Variants in SLC35G2 observed in about 807,000 individuals in gnomAD.
SLC35G2 encodes solute carrier family 35 member G2, also known as transmembrane protein 22.
SLC35G2 carries 20 observed loss-of-function variants against 27.2 expected under a neutral mutation model. The ratio of observed to expected loss-of-function variants is 0.74; its 90% confidence interval spans 0.52 to 1.07. The LOEUF is 1.07. Ranked by LOEUF, SLC35G2 falls within the 50% of genes least tolerant of loss-of-function variation. The probability of loss-of-function intolerance (pLI) is 0.00; values close to 1 mark genes in which losing one functional copy is unlikely to be tolerated. For missense variants in SLC35G2, 416 were observed against 493.3 expected (o/e 0.84, Z 1.48); for synonymous variants, 148 against 165.3 (o/e 0.90, Z 0.80).
At position 136,838,246 on chromosome 3, in the gene SLC35G2, C is replaced by CATATAT. The variant is rs6148084; in HGVS notation, c.-18-16165_-18-16160dup. On this transcript the variant is annotated intron_variant, in intron 1 of 1. Coordinates refer to ENST00000446465, the MANE Select transcript of SLC35G2 (RefSeq NM_025246.3). ...CTCTTCAATTTTGCAGTAGCATATA[C>CATATAT]ATATATATATATATATATATATATA... 129 of 140,980 alleles carry CATATAT rather than the reference C, an allele frequency of 9.2e-4. 2 individuals are homozygous for CATATAT. Among genetic ancestry groups the CATATAT allele is most frequent in the African/African-American group, 3.2e-3 (121 of 37,328 alleles). 8.7% of individuals were successfully genotyped at this position (140,980 alleles called of 1,614,324 possible). A position where few individuals can be genotyped will look rare whatever the true frequency, so the allele number is the denominator to read the frequency against.
rs373601350 is a variant in SLC35G2 at position 136,854,760 on chromosome 3, A to G, written c.300A>G (p.Gln100=). 20 of 1,614,048 alleles carry G rather than the reference A, an allele frequency of 1.2e-5. No individual in the cohort carries two copies. The African/African-American group carries it at 1.9e-4, about 15-fold the overall frequency. The stretch of plus-strand genomic sequence containing the variant: ...GCTTTGCAGAAAAAAACATTTTTCA[A>G]TCCCGAAAAATGTGGATAGTGCTGT... ...FQSFAEKNIF[Q]SRKMWIVLFG... The change falls in exon 2 of 2, where the codon CAA becomes CAG. Residue 100 remains glutamine (Q), a synonymous_variant. Transcript: ENST00000446465.
intron 1 of SLC35G2, among the ~76,000 whole-genome samples, chr3:136,844,265 G>A (rs1215737810): frequency 3.4e-5 from 5 of 148,930 alleles, no homozygotes; most frequent in South Asian, 4.3e-4. Context: ...CGAGGCGGGC[G>A]GATCATGAGG....
intron 1 of SLC35G2, chr3:136,846,531 A>G (rs1196313549): frequency 6.6e-6 from 1 of 152,208 alleles, no homozygotes; most frequent in East Asian, 1.9e-4. Context: ...CACTTACCCC[A>G]TGTGAATCCT....
intron 1 of SLC35G2, among the ~76,000 whole-genome samples, chr3:136,854,004 AC>A (rs1383261147): frequency 6.6e-6 from 1 of 152,228 alleles, no homozygotes; most frequent in African/African-American, 2.4e-5. Flanking sequence ...CTGGTATTAT[AC>A]AGAATTGATT....
At position 136,819,275 on chromosome 3, in the gene SLC35G2, G is replaced by C. The variant is rs1936381189; in HGVS notation, c.-372G>C. 1 of 152,314 alleles carries C rather than the reference G, an allele frequency of 6.6e-6. No individual in the cohort carries two copies. The highest frequency in any genetic ancestry group is 1.5e-5 in the Non-Finnish European group (1 of 68,102). 9.4% of individuals were successfully genotyped at this position (152,314 alleles called of 1,614,324 possible). A position where few individuals can be genotyped will look rare whatever the true frequency, so the allele number is the denominator to read the frequency against. ...ACTGGGACCTTGATCCTGCCTGCCC[G>C]GCCGCCCGACAAGGGAATGAGAGCG... is the stretch of plus-strand genomic sequence containing the variant. On this transcript the variant is annotated 5_prime_UTR_variant, in exon 1 of 2. Transcript: ENST00000446465.
chr3:136,820,648 A>G (rs569734779), intron 1 of SLC35G2: 2 of 152,340 alleles, frequency 1.3e-5, no homozygotes, highest in East Asian at 3.9e-4. Flanking sequence ...CACACATGCA[A>G]ATACACTCAT....
At chr3:136,853,818 A>C (rs925134826) in intron 1 of SLC35G2, among the ~76,000 whole-genome samples, 1 of 152,164 alleles carries the variant, frequency 6.6e-6, no homozygotes, top group African/African-American at 2.4e-5. Context: ...ATCTTAATAC[A>C]TATGGTCCAA....
At chr3:136,837,733 T>C (rs1203529977) in intron 1 of SLC35G2, 2 of 152,222 alleles carry the variant, frequency 1.3e-5, no homozygotes, top group Non-Finnish European at 2.9e-5. Context: ...CACATCCTTA[T>C]ATACTTTGCT....
intron 1 of SLC35G2, among the ~76,000 whole-genome samples, chr3:136,848,301 TTAAG>T (rs1280822933): frequency 6.6e-6 from 1 of 152,166 alleles, no homozygotes; most frequent in African/African-American, 2.4e-5. Context: ...TAGTGTTTGA[TTAAG>T]TAAATTGGAA....
chr3:136,820,682 T>C (rs1936434871), intron 1 of SLC35G2, among the ~76,000 whole-genome samples: 1 of 152,200 alleles, frequency 6.6e-6, no homozygotes, highest in East Asian at 1.9e-4. Flanking sequence ...CATTACACAC[T>C]ACAAGCCACA....
At position 136,854,929 on chromosome 3, in the gene SLC35G2, GC is replaced by G. The variant is rs748122437; in HGVS notation, c.474del (p.Phe159LeufsTer30). 15 of 1,613,928 alleles carry G rather than the reference GC, an allele frequency of 9.3e-6. No individual in the cohort carries two copies. In the East Asian group the frequency reaches 2.9e-4, roughly 31 times the overall value. On this transcript the variant is annotated frameshift_variant, in exon 2 of 2. Coordinates refer to ENST00000446465, the MANE Select transcript of SLC35G2 (RefSeq NM_025246.3). LOFTEE classifies it high-confidence loss of function. ...GTTAGTTGTGTGTTACTATCAGGAG[GC>G]CCCCTTTGGACCCAGTGGATACAGA... is the stretch of plus-strand genomic sequence containing the variant. ...SVLVVCYYQE[A>X]PFGPSGYRLR...
chr3:136,855,147 C>T lies in SLC35G2; in HGVS notation c.687C>T (p.Ser229=). 3 of 1,614,126 alleles carry T rather than the reference C, an allele frequency of 1.9e-6. No homozygotes were observed. The highest frequency in any genetic ancestry group is 2.5e-6 in the Non-Finnish European group (3 of 1,180,026). The part of the protein sequence containing the change: ...AYVDMATVVC[S]ILGVCLVMIP... ...TTGACATGGCTACAGTTGTTTGCAG[C>T]ATCTTAGGTGTTTGTCTTGTCATGA... The change falls in exon 2 of 2, where the codon AGC becomes AGT. Residue 229 remains serine (S), a synonymous_variant. Coordinates refer to ENST00000446465, the MANE Select transcript of SLC35G2 (RefSeq NM_025246.3).
intron 1 of SLC35G2, among the ~76,000 whole-genome samples, chr3:136,845,445 T>C (rs1937329668): frequency 6.6e-6 from 1 of 152,160 alleles, no homozygotes; most frequent in South Asian, 2.1e-4. Context: ...ACTGGGAAAC[T>C]AGCAGGAAAC....
intron 1 of SLC35G2, among the ~76,000 whole-genome samples, chr3:136,841,391 T>G (rs114540717): frequency 0.017 from 2,572 of 152,238 alleles, 80 homozygotes; most frequent in African/African-American, 0.059. Context: ...TACTAATTTT[T>G]GAGTCAGATA....
Position 136,855,537 on chromosome 3 carries a change from G to C in SLC35G2, c.1077G>C (p.Met359Ile). ...TVQHLEIVVAMVLQLLVLHIF... is the reference protein window; with the variant it reads ...TVQHLEIVVAIVLQLLVLHIF... The stretch of plus-strand genomic sequence containing the variant: ...AACATTTGGAGATTGTGGTAGCTAT[G>C]GTCTTGCAGCTTCTCGTGCTGCACA... Residue 359 changes from methionine to isoleucine, a missense_variant, in exon 2 of 2, where the codon ATG (methionine) becomes ATC (isoleucine). Met to Ile is a conservative substitution (Grantham distance 10). Coordinates refer to ENST00000446465, the MANE Select transcript of SLC35G2 (RefSeq NM_025246.3). The C allele has an allele frequency of 6.2e-7, 1 of 1,614,128 alleles. No homozygotes were observed. Among genetic ancestry groups the C allele is most frequent in the African/African-American group, 1.3e-5 (1 of 75,048 alleles).
intron 1 of SLC35G2, among the ~76,000 whole-genome samples, chr3:136,837,079 T>A (rs1249564769): frequency 6.6e-6 from 1 of 152,174 alleles, no homozygotes; most frequent in Non-Finnish European, 1.5e-5. Flanking sequence ...TTGCTGCCAT[T>A]TGGAACTTAC....
chr3:136,845,572 G>A (rs1485366492), intron 1 of SLC35G2, among the ~76,000 whole-genome samples: 1 of 151,446 alleles, frequency 6.6e-6, no homozygotes, highest in East Asian at 2.0e-4. Context: ...ATTACTTAAG[G>A]AACAGCTGCA....
In SLC35G2 at chr3:136,840,466, T is replaced by G. The variant is rs115810797; in HGVS notation, c.-18-13977T>G. Among the ~76,000 whole-genome samples, 755 of 152,154 alleles carry G rather than the reference T, an allele frequency of 5.0e-3. 6 individuals are homozygous for G. The highest frequency in any genetic ancestry group is 0.015 in the African/African-American group (618 of 41,522). ...GATTCATCCATATTCTTCCCCTGGT[T>G]GTTGCCCTTCTTTTCTTTCTTCCTC... On this transcript the variant is annotated intron_variant, in intron 1 of 1. Transcript: ENST00000446465.
intron 1 of SLC35G2, among the ~76,000 whole-genome samples, chr3:136,825,335 G>A (rs1048889761): frequency 6.7e-6 from 1 of 150,326 alleles, no homozygotes; most frequent in African/African-American, 2.5e-5. Context: ...CTCCCTCCCA[G>A]GTTCAAGCAA....
Sources: gnomAD v4.1 joint callset for allele counts (sites outside exome capture counted in the v4.1 genomes callset) on GRCh38, gnomAD v4.1.1 for gene constraint, MANE v1.5 for transcripts, NCBI Gene and HGNC (gene_info 2026-07-23, HGNC 2026-07-21) for gene names.